ELP4: variants seen among roughly 807,000 people sequenced by gnomAD.
The protein encoded by ELP4 is elongator complex protein 4.
A neutral mutation model predicts 48.9 loss-of-function variants in ELP4; 51 were observed. The observed-to-expected ratio is 1.04, with a 90% CI of 0.83 to 1.32. The LOEUF (loss-of-function observed/expected upper bound fraction) is 1.32. ELP4 is among the 40% of genes most tolerant of loss of function. ELP4 has a pLI of 0.00. For missense variants in ELP4, 519 were observed against 514.6 expected, an observed-to-expected ratio of 1.01 and a Z score of -0.08; for synonymous variants, 210 against 189.2, an observed-to-expected ratio of 1.11 and a Z score of -0.90.
At chr11:31,699,700 C>T (rs1473088569) in intron 9 of ELP4, among the ~76,000 whole-genome samples, 1 of 152,064 alleles carries the variant, frequency 6.6e-6, no homozygotes, top group Non-Finnish European at 1.5e-5. Flanking sequence ...TAAGGGATGA[C>T]ATGACAGTGG....
At chr11:31,749,683 A>G (rs1348139797) in intron 9 of ELP4, among the ~76,000 whole-genome samples, 3 of 152,202 alleles carry the variant, frequency 2.0e-5, no homozygotes, top group African/African-American at 7.2e-5. Flanking sequence ...TGTGGGAGAA[A>G]AGGAGCAGGG....
At chr11:31,582,849 C>T (rs1405084716) in intron 3 of ELP4, among the ~76,000 whole-genome samples, 4 of 151,658 alleles carry the variant, frequency 2.6e-5, no homozygotes, top group Admixed American at 6.6e-5. Flanking sequence ...AGGATGCCTT[C>T]TGCCCTTCTG....
At chr11:31,575,125 G>A (rs1015318584) in intron 3 of ELP4, among the ~76,000 whole-genome samples, 7 of 152,166 alleles carry the variant, frequency 4.6e-5, no homozygotes, top group East Asian at 1.9e-4. Context: ...ACCATGGCAC[G>A]AGAACTACGT....
At chr11:31,690,150 T>C (rs1480205649) in intron 9 of ELP4, among the ~76,000 whole-genome samples, 20 of 152,210 alleles carry the variant, frequency 1.3e-4, no homozygotes, top group Admixed American at 1.3e-3. Flanking sequence ...AGAGTGCTTA[T>C]GCAAGATCAA....
intron 9 of ELP4, among the ~76,000 whole-genome samples, chr11:31,665,699 G>C (rs1945658537): frequency 7.3e-6 from 1 of 136,480 alleles, no homozygotes; most frequent in Admixed American, 7.8e-5. Flanking sequence ...GTGTCACCCA[G>C]GCTGGAGTAC....
Position 31,790,239 on chromosome 11 carries a change from C to A in ELP4, c.*6715C>A. 1.9e-6 allele frequency: 1 copy of A among 531,542 alleles called. No individual in the cohort carries two copies. The highest frequency in any genetic ancestry group is 3.3e-5 in the East Asian group (1 of 30,326). 32.9% of individuals were successfully genotyped at this position (531,542 alleles called of 1,614,324 possible). A position where few individuals can be genotyped will look rare whatever the true frequency, so the allele number is the denominator to read the frequency against. ...ATACCTATTGGATCCCAAGTACCCCCCACCCCAATCCAAAGGAAAAGAAAA... is the reference window on the plus strand; with the variant it reads ...ATACCTATTGGATCCCAAGTACCCCACACCCCAATCCAAAGGAAAAGAAAA... On this transcript the variant is annotated 3_prime_UTR_variant, in exon 10 of 10. Transcript: ENST00000640961.
intron 9 of ELP4, among the ~76,000 whole-genome samples, chr11:31,718,718 T>A (rs1334592995): frequency 6.6e-6 from 1 of 152,200 alleles, no homozygotes; most frequent in Non-Finnish European, 1.5e-5. Context: ...TCTTACATGA[T>A]GGTCAAACTG....
At chr11:31,705,547 A>G (rs1946613095) in intron 9 of ELP4, among the ~76,000 whole-genome samples, 1 of 152,244 alleles carries the variant, frequency 6.6e-6, no homozygotes, top group African/African-American at 2.4e-5. Flanking sequence ...ACTTAAACAT[A>G]CAGGTTCAGA....
At chr11:31,558,939 T>A (rs980764123) in intron 3 of ELP4, among the ~76,000 whole-genome samples, 1 of 152,116 alleles carries the variant, frequency 6.6e-6, no homozygotes, top group African/African-American at 2.4e-5. Flanking sequence ...GAATACTTAT[T>A]TTTTCAGAAG....
At chr11:31,513,446 A>T (rs1721314077) in intron 1 of ELP4, among the ~76,000 whole-genome samples, 1 of 152,208 alleles carries the variant, frequency 6.6e-6, no homozygotes, top group South Asian at 2.1e-4. Flanking sequence ...CTATGAACCA[A>T]GGAAAGAATA....
chr11:31,687,551 T>C (rs546367597), intron 9 of ELP4: 1 of 152,280 alleles, frequency 6.6e-6, no homozygotes, highest in East Asian at 1.9e-4. Flanking sequence ...AAAACCTTAA[T>C]TACATGTAGT....
chr11:31,744,219 A>G (rs1245774494), intron 9 of ELP4, among the ~76,000 whole-genome samples: 1 of 152,208 alleles, frequency 6.6e-6, no homozygotes, highest in Non-Finnish European at 1.5e-5. Flanking sequence ...GAATAGACCA[A>G]TAACAGGCTC....
At chr11:31,741,947 C>T (rs185858849) in intron 9 of ELP4, among the ~76,000 whole-genome samples, 1,618 of 152,110 alleles carry the variant, frequency 0.011, 12 homozygotes, top group Non-Finnish European at 0.017. Flanking sequence ...CAAACTACTC[C>T]GAGCTACAGG....
rs544412443 is a variant in ELP4, at chr11:31,665,559, A to G, written c.1143+15338A>G. Among the ~76,000 whole-genome samples, 571 of 151,988 alleles carry G rather than the reference A, an allele frequency of 3.8e-3. 5 individuals carry two copies. The highest frequency in any genetic ancestry group is 0.013 in the African/African-American group (545 of 41,482). On this transcript the variant is annotated intron_variant, in intron 9 of 9. Transcript: ENST00000640961. Reference sequence around the variant, plus strand: ...ATATTATTGATATACCATAATCATCAAATATCAAAGATTCCTATTAGTATT... The same window carrying G: ...ATATTATTGATATACCATAATCATCGAATATCAAAGATTCCTATTAGTATT...
At chr11:31,687,268 T>A (rs1454688943) in intron 9 of ELP4, among the ~76,000 whole-genome samples, 1 of 152,202 alleles carries the variant, frequency 6.6e-6, no homozygotes, top group Non-Finnish European at 1.5e-5. Flanking sequence ...TATTTGGGAA[T>A]CATTGTTATA....
chr11:31,657,009 A>G (rs1945451599), intron 9 of ELP4, among the ~76,000 whole-genome samples: 1 of 152,064 alleles, frequency 6.6e-6, no homozygotes, highest in East Asian at 1.9e-4. Context: ...AAATGATGAC[A>G]AATCACAGCT....
intron 9 of ELP4, among the ~76,000 whole-genome samples, chr11:31,715,267 A>C (rs1946822001): frequency 6.6e-6 from 1 of 152,200 alleles, no homozygotes; most frequent in Non-Finnish European, 1.5e-5. Context: ...GGACATGGCC[A>C]AAAAAACTGT....
At chr11:31,780,452 A>T (rs1412751353) in intron 9 of ELP4, among the ~76,000 whole-genome samples, 1 of 152,224 alleles carries the variant, frequency 6.6e-6, no homozygotes, top group Admixed American at 6.5e-5. Flanking sequence ...AAAATCACAC[A>T]TAGATTCACA....
Position 31,594,876 on chromosome 11 carries a change from G to T in ELP4, c.488G>T (p.Arg163Leu). 1 of 1,560,202 alleles carries T rather than the reference G, an allele frequency of 6.4e-7. No individual in the cohort carries two copies. The change falls in exon 4 of 10, where the codon CGT becomes CTT. Residue 163 changes from arginine to leucine, a missense_variant. Transcript: ENST00000640961. ...ESNIKMKIAW[R>L]YQLLPKMEIG... ...AATATTAAGATGAAAATAGCTTGGC[G>T]TTACCAGTTATTACCCAAGATGGAG...
Sources: allele counts gnomAD v4.1 joint callset (sites outside exome capture counted in the v4.1 genomes callset), GRCh38; gene constraint gnomAD v4.1.1; transcripts MANE v1.5; gene names NCBI Gene and HGNC (gene_info 2026-07-23, HGNC 2026-07-21).